CNTNAP2: variants seen among roughly 807,000 people sequenced by gnomAD.
The protein encoded by CNTNAP2 is contactin associated protein 2, also known as contactin-associated protein-like 2.
A neutral mutation model predicts 155.2 loss-of-function variants in CNTNAP2; 98 were observed. That is an observed-to-expected ratio of 0.63 (90% CI 0.54 to 0.75). CNTNAP2 has a LOEUF of 0.75. CNTNAP2 is among the 30% of genes least tolerant of loss of function. CNTNAP2 has a pLI of 0.00. For missense variants in CNTNAP2, 1,727 were observed against 1,688.1 expected, an observed-to-expected ratio of 1.02 and a Z score of -0.40; for synonymous variants, 651 against 631.2, an observed-to-expected ratio of 1.03 and a Z score of -0.47.
At chr7:146,238,311 A>G (rs1799506811) in intron 1 of CNTNAP2, among the ~76,000 whole-genome samples, 1 of 152,206 alleles carries the variant, frequency 6.6e-6, no homozygotes, top group Non-Finnish European at 1.5e-5. Context: ...GAGCACTTAT[A>G]TGAATGAGCA....
chr7:146,188,740 T>C (rs1798659053), intron 1 of CNTNAP2, among the ~76,000 whole-genome samples: 1 of 152,142 alleles, frequency 6.6e-6, no homozygotes, highest in Non-Finnish European at 1.5e-5. Context: ...AATAATAAAG[T>C]TCATTTATTT....
intron 13 of CNTNAP2, among the ~76,000 whole-genome samples, chr7:147,660,337 T>C (rs1366483201): frequency 6.6e-6 from 1 of 152,166 alleles, no homozygotes; most frequent in Non-Finnish European, 1.5e-5. Flanking sequence ...CACTTATCCA[T>C]AGAGAAAAAG....
intron 13 of CNTNAP2, among the ~76,000 whole-genome samples, chr7:147,706,803 A>G (rs1398405531): frequency 1.3e-5 from 2 of 152,180 alleles, no homozygotes; most frequent in Admixed American, 6.5e-5. Context: ...CATATGCCAC[A>G]AGGCTTTGTT....
intron 3 of CNTNAP2, among the ~76,000 whole-genome samples, chr7:146,918,865 T>C (rs1410412460): frequency 2.6e-5 from 4 of 152,214 alleles, no homozygotes; most frequent in African/African-American, 9.6e-5. Context: ...ATTGGAGGTT[T>C]GCTCCTTTTT....
intron 14 of CNTNAP2, among the ~76,000 whole-genome samples, chr7:147,950,852 G>A (rs544104344): frequency 6.6e-6 from 1 of 152,296 alleles, no homozygotes; most frequent in South Asian, 2.1e-4. Context: ...CAGAGATAGG[G>A]AGTGAAGGTC....
intron 16 of CNTNAP2, 31 bp from the exon 17 acceptor site, chr7:148,147,460 C>T: frequency 6.3e-7 from 1 of 1,595,370 alleles, no homozygotes. Flanking sequence ...GAGAAAAATA[C>T]TCATGTTTTT....
chr7:146,265,815 A>C (rs1799986061), intron 1 of CNTNAP2, among the ~76,000 whole-genome samples: 1 of 152,126 alleles, frequency 6.6e-6, no homozygotes, highest in Non-Finnish European at 1.5e-5. Context: ...TCATATTTTG[A>C]AAATTTCTGC....
At chr7:146,204,784 T>G (rs1256311137) in intron 1 of CNTNAP2, among the ~76,000 whole-genome samples, 2 of 152,108 alleles carry the variant, frequency 1.3e-5, no homozygotes, top group Non-Finnish European at 2.9e-5. Flanking sequence ...TGTATATAAC[T>G]AATGGCCCCA....
chr7:147,036,590 C>T (rs1799155231), intron 3 of CNTNAP2, among the ~76,000 whole-genome samples: 1 of 152,120 alleles, frequency 6.6e-6, no homozygotes, highest in South Asian at 2.1e-4. Context: ...ATATACAAAT[C>T]ACTGCCTCTA....
chr7:148,001,097 C>A (rs951401655), intron 15 of CNTNAP2, among the ~76,000 whole-genome samples: 1 of 152,170 alleles, frequency 6.6e-6, no homozygotes, highest in African/African-American at 2.4e-5. Flanking sequence ...TCAAGTGATC[C>A]TTAGCTTAAT....
At chr7:146,213,484 C>G (rs1025471402) in intron 1 of CNTNAP2, among the ~76,000 whole-genome samples, 1 of 152,164 alleles carries the variant, frequency 6.6e-6, no homozygotes, top group Non-Finnish European at 1.5e-5. Context: ...AATCAAATGT[C>G]AGATTCCTTT....
chr7:146,379,375 C>T (rs1730583406), intron 1 of CNTNAP2, among the ~76,000 whole-genome samples: 1 of 152,184 alleles, frequency 6.6e-6, no homozygotes, highest in South Asian at 2.1e-4. Context: ...CTTGCATTCT[C>T]ACCCTAAAGG....
At chr7:147,199,195 C>T (rs538885156) in intron 8 of CNTNAP2, among the ~76,000 whole-genome samples, 2 of 152,098 alleles carry the variant, frequency 1.3e-5, no homozygotes, top group Admixed American at 1.3e-4. Flanking sequence ...CCACTGAGCT[C>T]AGGTAATGCA....
chr7:146,546,361 C>T (rs530682985), intron 1 of CNTNAP2, among the ~76,000 whole-genome samples: 2 of 151,984 alleles, frequency 1.3e-5, no homozygotes, highest in South Asian at 4.1e-4. Context: ...TTAGCAAGAG[C>T]TGTTGGATGG....
intron 13 of CNTNAP2, among the ~76,000 whole-genome samples, chr7:147,838,292 T>G (rs191253228): frequency 6.6e-6 from 1 of 152,294 alleles, no homozygotes; most frequent in Admixed American, 6.5e-5. Flanking sequence ...CACAAAGATC[T>G]CTTACATGTC....
intron 4 of CNTNAP2, among the ~76,000 whole-genome samples, chr7:147,086,386 AAT>A (rs1372398802): frequency 6.6e-6 from 1 of 150,984 alleles, no homozygotes; most frequent in African/African-American, 2.5e-5. Flanking sequence ...ATCCACAGAA[AAT>A]ATGTTTCTCT....
At chr7:147,660,745 A>G (rs1409497326) in intron 13 of CNTNAP2, among the ~76,000 whole-genome samples, 1 of 152,244 alleles carries the variant, frequency 6.6e-6, no homozygotes, top group Non-Finnish European at 1.5e-5. Flanking sequence ...GACAAGGCCT[A>G]TTAAAGATTT....
chr7:147,040,809 T>C (rs552832902), intron 3 of CNTNAP2, among the ~76,000 whole-genome samples: 4 of 152,234 alleles, frequency 2.6e-5, no homozygotes, highest in African/African-American at 4.8e-5. Context: ...CCAGATGCTA[T>C]TACTCAAAGG....
At chr7:147,950,839 C>A (rs1243972140) in intron 14 of CNTNAP2, among the ~76,000 whole-genome samples, 1 of 152,188 alleles carries the variant, frequency 6.6e-6, no homozygotes, top group Non-Finnish European at 1.5e-5. Context: ...ACATTCTTAT[C>A]ACCAGAGATA....
Sources: gnomAD v4.1 joint callset for allele counts (sites outside exome capture counted in the v4.1 genomes callset) on GRCh38, gnomAD v4.1.1 for gene constraint, MANE v1.5 for transcripts, NCBI Gene and HGNC (gene_info 2026-07-23, HGNC 2026-07-21) for gene names.